PCDHGA9: variants seen among roughly 807,000 people sequenced by gnomAD.
PCDHGA9 encodes the protein protocadherin gamma-A9.
Under a neutral mutation model 62.5 loss-of-function variants are expected in PCDHGA9, and 37 were observed. The observed-to-expected ratio is 0.59, with a 90% confidence interval of 0.46 to 0.78. PCDHGA9 has a LOEUF of 0.78. PCDHGA9 is among the 30% of genes least tolerant of loss of function. The pLI is 0.00. For missense variants in PCDHGA9, 1,138 were observed against 1,166.2 expected, an observed-to-expected ratio of 0.98 and a Z score of 0.35; for synonymous variants, 459 against 484.6, an observed-to-expected ratio of 0.95 and a Z score of 0.69.
chr5:141,437,252 CTT>C (rs1030396727), intron 1 of PCDHGA9, among the ~76,000 whole-genome samples: 3 of 152,268 alleles, frequency 2.0e-5, no homozygotes, highest in Admixed American at 6.5e-5. Context: ...CTTTCCTTGT[CTT>C]TTTATGTGTA....
At position 141,487,791 on chromosome 5, in the gene PCDHGA9, C is replaced by T; in HGVS notation, c.2425-7016C>T. ...CTTTGTAACTGTTTCGTGAATTAAC[C>T]AGAGTTGTCACAGTTTAGCATTGGG... On this transcript the variant is annotated intron_variant, in intron 1 of 3. Coordinates refer to ENST00000573521, the MANE Select transcript of PCDHGA9 (RefSeq NM_018921.3). This position sits in a 1 kb window ranked among gnomAD's most constrained non-coding sequence, Gnocchi z 5.0. 6.6e-7 allele frequency: 1 copy of T among 1,510,152 alleles called. No individual in the cohort carries two copies. The highest frequency in any genetic ancestry group is 1.4e-5 in the African/African-American group (1 of 72,206). The allele number at this position is 1,510,152 out of a possible 1,614,324, so 93.5% of individuals were successfully genotyped here. A position where few individuals can be genotyped will look rare whatever the true frequency, so the allele number is the denominator to read the frequency against.
At chr5:141,457,230 A>G (rs1248092452) in intron 1 of PCDHGA9, among the ~76,000 whole-genome samples, 2 of 152,174 alleles carry the variant, frequency 1.3e-5, no homozygotes, top group African/African-American at 4.8e-5. Flanking sequence ...GGTAATTTCC[A>G]TCTAAAATTT....
rs1365133001 is a variant in PCDHGA9 at position 141,477,683 on chromosome 5, G to A, written c.2425-17124G>A. ...TGACAATGGCATAGTGTCATCCTTA[G>A]TGCCCCTAGACTATGAGGATCGGCG... On this transcript the variant is annotated intron_variant, in intron 1 of 3. Transcript: ENST00000573521. This position sits in a 1 kb window ranked among gnomAD's most constrained non-coding sequence, Gnocchi z 4.9. 1.2e-6 allele frequency: 2 copies of A among 1,614,176 alleles called. No homozygotes were observed. The highest frequency in any genetic ancestry group is 3.3e-5 in the Admixed American group (2 of 60,028).
rs2099750571 is a variant in PCDHGA9, at chr5:141,493,878, T to A, written c.2425-929T>A. On this transcript the variant is annotated intron_variant, in intron 1 of 3. Coordinates refer to ENST00000573521, the MANE Select transcript of PCDHGA9 (RefSeq NM_018921.3). This position sits in a 1 kb window ranked among gnomAD's most constrained non-coding sequence, Gnocchi z 4.3. ...GCCCACCCCAGAACCAGTGAGGAGG[T>A]GGCTCTAGGAGTGCTCCATGAGAGT... is the stretch of plus-strand genomic sequence containing the variant. 6.6e-6 allele frequency among the ~76,000 whole-genome samples: 1 copy of A among 152,072 alleles called. No homozygotes were observed. The highest frequency in any genetic ancestry group is 6.6e-5 in the Admixed American group (1 of 15,264).
chr5:141,461,510 G>T (rs2099016853), intron 1 of PCDHGA9, among the ~76,000 whole-genome samples: 1 of 152,014 alleles, frequency 6.6e-6, no homozygotes, highest in Non-Finnish European at 1.5e-5. Context: ...TTGGTGATTT[G>T]TTAGTTCCTT....
chr5:141,409,961 C>G (rs538942740), intron 1 of PCDHGA9: 26 of 1,613,442 alleles, frequency 1.6e-5, no homozygotes, highest in Admixed American at 8.3e-5. Context: ...GCCCGGCTAC[C>G]TAGTGACTAA....
intron 1 of PCDHGA9, chr5:141,417,798 C>G (rs2096163233): frequency 6.7e-7 from 1 of 1,486,352 alleles, no homozygotes; most frequent in African/African-American, 1.4e-5. Flanking sequence ...GCTCTTTTAG[C>G]GCGGTAGAGT....
chr5:141,492,548 C>T (rs1028674110), intron 1 of PCDHGA9, among the ~76,000 whole-genome samples: 5 of 152,218 alleles, frequency 3.3e-5, no homozygotes, highest in African/African-American at 9.6e-5. Flanking sequence ...TGGGCCGGGT[C>T]GCCTGGGGGG....
intron 1 of PCDHGA9, chr5:141,428,021 C>T: frequency 1.2e-6 from 2 of 1,605,604 alleles, no homozygotes; most frequent in Non-Finnish European, 1.7e-6. Context: ...TGCCACGCGC[C>T]GCAGAGTCCG....
intron 1 of PCDHGA9, chr5:141,415,170 C>T (rs781724309): frequency 3.7e-6 from 6 of 1,613,878 alleles, no homozygotes; most frequent in South Asian, 2.2e-5. Flanking sequence ...TCACGCTCAC[C>T]GTGGCCGTGG....
chr5:141,474,687 A>G (rs369586568), intron 1 of PCDHGA9, among the ~76,000 whole-genome samples: 35 of 152,302 alleles, frequency 2.3e-4, no homozygotes, highest in African/African-American at 7.7e-4. Flanking sequence ...CTACCCCTTC[A>G]CTTATGTTCA....
At chr5:141,427,856 C>T (rs1487451079) in intron 1 of PCDHGA9, 6 of 1,553,060 alleles carry the variant, frequency 3.9e-6, no homozygotes, top group Non-Finnish European at 5.3e-6. Flanking sequence ...AGCAGCTGTG[C>T]GCCTTCGAGC....
intron 1 of PCDHGA9, among the ~76,000 whole-genome samples, chr5:141,448,952 C>A (rs1278778374): frequency 2.6e-5 from 4 of 151,698 alleles, no homozygotes; most frequent in Non-Finnish European, 5.9e-5. Flanking sequence ...CTCAAAAAAA[C>A]AAACAAACAA....
chr5:141,422,151 G>A (rs763343536), intron 1 of PCDHGA9: 1 of 1,575,938 alleles, frequency 6.3e-7, no homozygotes, highest in Admixed American at 2.0e-5. Flanking sequence ...GGGGGTCTCT[G>A]GATTTTGAAA....
intron 1 of PCDHGA9, among the ~76,000 whole-genome samples, chr5:141,436,613 A>C (rs1334315821): frequency 1.3e-5 from 2 of 152,206 alleles, no homozygotes; most frequent in Non-Finnish European, 2.9e-5. Flanking sequence ...AGGGCTAACA[A>C]AAATCTGATT....
At chr5:141,495,073 C>T (rs1464039604) in intron 2 of PCDHGA9, among the ~76,000 whole-genome samples, 1 of 152,186 alleles carries the variant, frequency 6.6e-6, no homozygotes, top group Non-Finnish European at 1.5e-5. Flanking sequence ...GCTCAATTCA[C>T]ATGCTTGCCC....
At position 141,489,728 on chromosome 5, in the gene PCDHGA9, G is replaced by T; in HGVS notation, c.2425-5079G>T. ...GACAGTGCCCAGGATCCGGATGTGGGCACCAATACTGTGAGCTTTTACACT... is the reference window on the plus strand; with the variant it reads ...GACAGTGCCCAGGATCCGGATGTGGTCACCAATACTGTGAGCTTTTACACT... On this transcript the variant is annotated intron_variant, in intron 1 of 3. Transcript: ENST00000573521. The surrounding 1 kb of genome is among the most constrained non-coding windows in gnomAD (Gnocchi z 4.5). The T allele has an allele frequency of 3.1e-6, 5 of 1,614,138 alleles. No homozygotes were observed. The South Asian group carries it at 5.5e-5, about 18-fold the overall frequency.
In PCDHGA9 at chr5:141,486,819, T is replaced by TG; in HGVS notation, c.2425-7988_2425-7987insG. 6.2e-7 allele frequency: 1 copy of TG among 1,614,212 alleles called. No homozygotes were observed. Among genetic ancestry groups the TG allele is most frequent in the Non-Finnish European group, 8.5e-7 (1 of 1,180,034 alleles). On this transcript the variant is annotated intron_variant, in intron 1 of 3. Coordinates refer to ENST00000573521, the MANE Select transcript of PCDHGA9 (RefSeq NM_018921.3). The surrounding 1 kb of genome is among the most constrained non-coding windows in gnomAD (Gnocchi z 5.0). ...GGCAACCCACCCCTTAGCAGCACTG[T>TG]AACAGTTCGTCTATTTGTGCTGGAC...
chr5:141,466,415 C>T (rs995296505), intron 1 of PCDHGA9, among the ~76,000 whole-genome samples: 6 of 152,136 alleles, frequency 3.9e-5, no homozygotes, highest in Non-Finnish European at 8.8e-5. Context: ...ATTTTTCAGT[C>T]AGAATTGTGT....
Sources: allele counts gnomAD v4.1 joint callset (sites outside exome capture counted in the v4.1 genomes callset), GRCh38; gene constraint gnomAD v4.1.1; non-coding constraint Gnocchi (gnomAD v3.1); transcripts MANE v1.5; gene names NCBI Gene and HGNC (gene_info 2026-07-23, HGNC 2026-07-21).